The following TBC1D32 variants were observed in gnomAD, a reference collection of about 807,000 sequenced individuals.
TBC1D32 encodes the protein protein broad-minded.
TBC1D32 carries 151 observed loss-of-function variants against 170.3 expected under a neutral mutation model. That is an observed-to-expected ratio of 0.89 (90% confidence interval 0.78 to 1.01). The LOEUF (loss-of-function observed/expected upper bound fraction) is 1.01. Ranked by LOEUF, TBC1D32 falls within the 50% of genes least tolerant of loss-of-function variation. The probability of loss-of-function intolerance (pLI) is 0.00; values close to 1 mark genes in which losing one functional copy is unlikely to be tolerated. For missense variants in TBC1D32, 1,464 were observed against 1,457.1 expected (o/e 1.00, Z -0.08); for synonymous variants, 498 against 488.0 (o/e 1.02, Z -0.27).
intron 25 of TBC1D32, among the ~76,000 whole-genome samples, chr6:121,127,042 T>C (rs1401854464): frequency 2.0e-5 from 3 of 152,114 alleles, no homozygotes; most frequent in Admixed American, 1.3e-4. Context: ...TATAAACAGG[T>C]ACAATATAAT....
intron 15 of TBC1D32, among the ~76,000 whole-genome samples, chr6:121,259,555 T>A (rs1343437149): frequency 1.3e-5 from 2 of 152,074 alleles, no homozygotes; most frequent in African/African-American, 2.4e-5. Flanking sequence ...TCATAAATAC[T>A]AAAATTCAAA....
chr6:121,203,280 A>T (rs1458553891), intron 22 of TBC1D32, among the ~76,000 whole-genome samples: 1 of 151,432 alleles, frequency 6.6e-6, no homozygotes. Flanking sequence ...TGACCTAAAG[A>T]TTATTATGAA....
At chr6:121,226,857 T>C (rs1227660005) in intron 20 of TBC1D32, among the ~76,000 whole-genome samples, 3 of 152,004 alleles carry the variant, frequency 2.0e-5, no homozygotes, top group Admixed American at 1.3e-4. Context: ...TCAATATTTA[T>C]ACACATTATC....
At chr6:121,278,211 A>G (rs1282316268) in intron 15 of TBC1D32, among the ~76,000 whole-genome samples, 3 of 152,148 alleles carry the variant, frequency 2.0e-5, no homozygotes, top group Admixed American at 1.3e-4. Context: ...ATTCTGTGTC[A>G]TATCCTCCAG....
Position 121,317,609 on chromosome 6 carries a change from G to C in TBC1D32, c.381C>G (p.Asn127Lys), listed in dbSNP as rs772681470. 3 of 1,612,078 alleles carry C rather than the reference G, an allele frequency of 1.9e-6. No individual in the cohort carries two copies. The highest frequency in any genetic ancestry group is 2.5e-6 in the Non-Finnish European group (3 of 1,179,016). Residue 127 changes from asparagine to lysine, a missense_variant, in exon 3 of 32, where the codon AAC becomes AAG. This residue lies in a region of TBC1D32 where 1,363 missense variants were observed against 1,338.1 expected (regional missense o/e 1.02). Coordinates refer to ENST00000398212, the MANE Select transcript of TBC1D32 (RefSeq NM_152730.6). ...IMIAVVESMI[N>K]KFEEDETRNQ... ...TTCGTGTCTCATCTTCTTCAAACTT[G>C]TTAATCATAGACTCGACCACAGCTA... is the stretch of plus-strand genomic sequence containing the variant.
intron 30 of TBC1D32, among the ~76,000 whole-genome samples, chr6:121,103,844 TC>T (rs1425186648): frequency 1.3e-5 from 2 of 151,914 alleles, no homozygotes; most frequent in Non-Finnish European, 2.9e-5. Flanking sequence ...AAGATACTGT[TC>T]CCAGTTGAGC....
chr6:121,202,534 T>C (rs971368664), intron 22 of TBC1D32, among the ~76,000 whole-genome samples: 4 of 151,172 alleles, frequency 2.6e-5, no homozygotes, highest in African/African-American at 9.9e-5. Context: ...TCAAAGTGAG[T>C]TGAGTAAATA....
chr6:121,178,656 A>G (rs1264861897), intron 22 of TBC1D32, among the ~76,000 whole-genome samples: 3 of 152,070 alleles, frequency 2.0e-5, no homozygotes, highest in African/African-American at 4.8e-5. Flanking sequence ...GGCAGGTCCT[A>G]TGATATGTCT....
Position 121,239,177 on chromosome 6 carries a change from C to T in TBC1D32, c.2257G>A (p.Glu753Lys), listed in dbSNP as rs778684628. 3.2e-6 allele frequency: 5 copies of T among 1,564,036 alleles called. No homozygotes were observed. In the South Asian group the frequency reaches 5.7e-5, roughly 18 times the overall value. ...TTGGACCATAATTCAGTTATAAGTTCATTAATAAACCCTAAAAAGAATTAT... is the reference window on the plus strand; with the variant it reads ...TTGGACCATAATTCAGTTATAAGTTTATTAATAAACCCTAAAAAGAATTAT... The part of the protein sequence containing the change: ...IALKKSGFIN[E>K]LITELWSNLE... The change falls in exon 20 of 32, where the codon GAA becomes AAA. Residue 753 changes from glutamate to lysine, a missense_variant. Physicochemically the swap from Glu to Lys is moderately conservative, Grantham distance 56. This residue lies in a region of TBC1D32 where 1,363 missense variants were observed against 1,338.1 expected (regional missense o/e 1.02). Coordinates refer to ENST00000398212, the MANE Select transcript of TBC1D32 (RefSeq NM_152730.6).
chr6:121,116,581 G>T (rs1779708019), intron 26 of TBC1D32, among the ~76,000 whole-genome samples: 1 of 152,168 alleles, frequency 6.6e-6, no homozygotes, highest in Non-Finnish European at 1.5e-5. Flanking sequence ...TATCTTACTG[G>T]TAAAGGATGA....
At chr6:121,301,531 C>G (rs909933398) in intron 9 of TBC1D32, among the ~76,000 whole-genome samples, 3 of 151,916 alleles carry the variant, frequency 2.0e-5, no homozygotes, top group Non-Finnish European at 4.4e-5. Flanking sequence ...ACACCAGGGC[C>G]TGTTTGGGGG....
At chr6:121,096,174 TC>T (rs1777383366) in intron 30 of TBC1D32, 1 of 152,150 alleles carries the variant, frequency 6.6e-6, no homozygotes, top group African/African-American at 2.4e-5. Context: ...GGTGTATGTG[TC>T]CAGGAATTTA....
intron 20 of TBC1D32, among the ~76,000 whole-genome samples, chr6:121,234,661 TC>T (rs2128346498): frequency 6.6e-6 from 1 of 152,298 alleles, no homozygotes; most frequent in South Asian, 2.1e-4. Flanking sequence ...TTCATCTTTC[TC>T]TGATGACTCC....
chr6:121,324,580 G>C (rs1312787419), intron 1 of TBC1D32, among the ~76,000 whole-genome samples: 1 of 152,098 alleles, frequency 6.6e-6, no homozygotes, highest in Non-Finnish European at 1.5e-5. Flanking sequence ...ATATATCATA[G>C]AAAACAGCCT....
At chr6:121,278,148 A>G (rs1802484361) in intron 15 of TBC1D32, among the ~76,000 whole-genome samples, 2 of 152,170 alleles carry the variant, frequency 1.3e-5, no homozygotes, top group African/African-American at 4.8e-5. Flanking sequence ...ACACCAGGCT[A>G]AAATTGGTTT....
chr6:121,296,829 A>G (rs1805708984), intron 10 of TBC1D32, among the ~76,000 whole-genome samples: 1 of 152,168 alleles, frequency 6.6e-6, no homozygotes, highest in South Asian at 2.1e-4. Context: ...AATACACTTA[A>G]GAGAAGCTCT....
chr6:121,155,176 T>C (rs900650166), intron 24 of TBC1D32, among the ~76,000 whole-genome samples: 1 of 152,180 alleles, frequency 6.6e-6, no homozygotes. Flanking sequence ...CTGATTTCTT[T>C]CAGCAATGTT....
chr6:121,276,115 G>C (rs185461896), intron 15 of TBC1D32, among the ~76,000 whole-genome samples: 3,169 of 123,798 alleles, frequency 0.026, 120 homozygotes, highest in East Asian at 0.13. Context: ...GTGAGACCTT[G>C]TCTCAAAAAA....
intron 21 of TBC1D32, among the ~76,000 whole-genome samples, chr6:121,213,966 C>T (rs1467797673): frequency 6.6e-6 from 1 of 151,868 alleles, no homozygotes; most frequent in African/African-American, 2.4e-5. Flanking sequence ...AATAGAAAGC[C>T]CAGCAATAAG....
Sources: allele counts gnomAD v4.1 joint callset (sites outside exome capture counted in the v4.1 genomes callset), GRCh38; gene constraint gnomAD v4.1.1; regional missense constraint gnomAD v4.1.1; transcripts MANE v1.5; gene names NCBI Gene and HGNC (gene_info 2026-07-23, HGNC 2026-07-21).